The following SIL1 variants were observed in gnomAD, a reference collection of about 807,000 sequenced individuals.
SIL1 encodes SIL1 nucleotide exchange factor, also known as nucleotide exchange factor SIL1.
Under a neutral mutation model 49.1 loss-of-function variants are expected in SIL1, and 40 were observed. The observed-to-expected ratio is 0.81, with a 90% CI of 0.63 to 1.06. The LOEUF is 1.06. SIL1 is among the 50% of genes least tolerant of loss of function. The pLI is 0.00. For missense variants in SIL1, 500 were observed against 572.6 expected, an observed-to-expected ratio of 0.87 and a Z score of 1.29; for synonymous variants, 253 against 250.8, an observed-to-expected ratio of 1.01 and a Z score of -0.08.
intron 7 of SIL1, among the ~76,000 whole-genome samples, chr5:138,993,136 T>A (rs944795942): frequency 1.5e-4 from 23 of 152,290 alleles, no homozygotes; most frequent in African/African-American, 5.5e-4. Flanking sequence ...CAACAGATTA[T>A]AAGCAGAAGC....
chr5:139,049,174 T>C (rs544114355), intron 4 of SIL1, among the ~76,000 whole-genome samples: 23 of 152,190 alleles, frequency 1.5e-4, no homozygotes, highest in Non-Finnish European at 2.8e-4. Flanking sequence ...ATACTGGGTT[T>C]TTGTTTTAGT....
chr5:139,170,811 C>G (rs1002296739), intron 1 of SIL1, among the ~76,000 whole-genome samples: 23 of 150,590 alleles, frequency 1.5e-4, no homozygotes, highest in African/African-American at 2.7e-4. Flanking sequence ...CCGCCCCGTC[C>G]GGGAGGGAGG....
rs760991652 is a variant in SIL1, at chr5:139,021,198, G to A, written c.740C>T (p.Ala247Val). 4 of 1,614,104 alleles carry A rather than the reference G, an allele frequency of 2.5e-6. No homozygotes were observed. The highest frequency in any genetic ancestry group is 2.2e-5 in the East Asian group (1 of 44,876). Residue 247 changes from alanine (A) to valine (V), a missense_variant, in exon 7 of 10, where the codon GCG becomes GTG. Transcript: ENST00000394817. ...STEPLVKEYA[A>V]FVLGAAFSSN... ...GGAAAAGGCAGCGCCCAGCACAAACGCAGCATACTCCTTCACGAGGGGCTC... is the reference window on the plus strand; with the variant it reads ...GGAAAAGGCAGCGCCCAGCACAAACACAGCATACTCCTTCACGAGGGGCTC...
At chr5:139,138,109 T>C (rs1751011382) in intron 1 of SIL1, among the ~76,000 whole-genome samples, 1 of 149,930 alleles carries the variant, frequency 6.7e-6, no homozygotes, top group African/African-American at 2.5e-5. Flanking sequence ...CCTGCTCCCC[T>C]TCATGGAGCC....
intron 4 of SIL1, among the ~76,000 whole-genome samples, chr5:139,048,566 C>T (rs1769220487): frequency 6.6e-6 from 1 of 151,818 alleles, no homozygotes; most frequent in Middle Eastern, 3.2e-3. Context: ...TGCAGACACA[C>T]ACCCTGTCGC....
chr5:139,040,499 T>TTTTC (rs1769022068), intron 5 of SIL1, among the ~76,000 whole-genome samples: 2 of 29,240 alleles, frequency 6.8e-5, no homozygotes, highest in African/African-American at 1.7e-4. Context: ...TTCTTTTTTC[T>TTTTC]TTTTTTTTTT....
chr5:138,946,936 C>A lies in SIL1; in HGVS notation c.*181G>T. ...CCCATCACCCAACCACTCACCTGAC[C>A]CCCCGGCCACAGGGCTGTGCCCAGT... On this transcript the variant is annotated 3_prime_UTR_variant, in exon 10 of 10. Coordinates refer to ENST00000394817, the MANE Select transcript of SIL1 (RefSeq NM_022464.5). 1.6e-6 allele frequency: 1 copy of A among 640,992 alleles called. No individual in the cohort carries two copies. The highest frequency in any genetic ancestry group is 2.2e-5 in the Admixed American group (1 of 44,722). The allele number at this position is 640,992 out of a possible 1,614,324, so 39.7% of individuals were successfully genotyped here.
intron 7 of SIL1, among the ~76,000 whole-genome samples, chr5:138,999,028 TG>T (rs1239102453): frequency 6.6e-6 from 1 of 152,038 alleles, no homozygotes; most frequent in Admixed American, 6.6e-5. Context: ...AGCTAATTTT[TG>T]TATTTTTAGT....
intron 9 of SIL1, among the ~76,000 whole-genome samples, chr5:138,950,784 C>T (rs780704245): frequency 9.2e-5 from 14 of 152,222 alleles, no homozygotes; most frequent in African/African-American, 1.4e-4. Context: ...GGCACCTCCA[C>T]GTTTCTAGAA....
chr5:139,169,054 G>A (rs1013367043), intron 1 of SIL1, among the ~76,000 whole-genome samples: 1 of 152,146 alleles, frequency 6.6e-6, no homozygotes, highest in African/African-American at 2.4e-5. Context: ...GCTGGGATGG[G>A]AGGATTGCAT....
intron 3 of SIL1, among the ~76,000 whole-genome samples, chr5:139,081,282 T>A (rs1770070159): frequency 6.6e-6 from 1 of 152,196 alleles, no homozygotes; most frequent in South Asian, 2.1e-4. Context: ...TGAGACTGGG[T>A]CTCACTCTGT....
intron 7 of SIL1, among the ~76,000 whole-genome samples, chr5:138,965,095 T>C (rs953157582): frequency 6.6e-6 from 1 of 152,232 alleles, no homozygotes; most frequent in Non-Finnish European, 1.5e-5. Context: ...AGGCAGGGGC[T>C]TCCCTCTTGC....
At chr5:139,050,002 A>C (rs1769253268) in intron 4 of SIL1, among the ~76,000 whole-genome samples, 1 of 152,236 alleles carries the variant, frequency 6.6e-6, no homozygotes, top group South Asian at 2.1e-4. Context: ...GCAAGAAAGC[A>C]GCCATAGACA....
At chr5:139,117,574 T>C (rs1252200221) in intron 3 of SIL1, among the ~76,000 whole-genome samples, 1 of 152,038 alleles carries the variant, frequency 6.6e-6, no homozygotes, top group Non-Finnish European at 1.5e-5. Flanking sequence ...CAGGACAAAT[T>C]CCTGAGTTCC....
intron 1 of SIL1, among the ~76,000 whole-genome samples, chr5:139,143,963 CATAA>C (rs1207383421): frequency 2.6e-5 from 4 of 152,138 alleles, no homozygotes; most frequent in African/African-American, 4.8e-5. Flanking sequence ...CTGTACAACA[CATAA>C]ATAAATAAAA....
In SIL1 at chr5:138,947,256, G is replaced by C; in HGVS notation, c.1247C>G (p.Pro416Arg). Residue 416 changes from proline to arginine, a missense_variant, in exon 10 of 10, where the codon CCC becomes CGC. Pro to Arg is a moderately radical substitution (Grantham distance 103). Transcript: ENST00000394817. The surrounding 1 kb of genome is among the most constrained non-coding windows in gnomAD (Gnocchi z 4.1). ...GCTGGCCAGTGTCCTGCCGAGCTGG[G>C]GGTCCTGACGGTAGCGGTCCCGGCA... ...TTCRDRYRQDPQLGRTLASLQ... is the reference protein window; with the variant it reads ...TTCRDRYRQDRQLGRTLASLQ... The C allele has an allele frequency of 6.2e-7, 1 of 1,613,572 alleles. No homozygotes were observed. The highest frequency in any genetic ancestry group is 8.5e-7 in the Non-Finnish European group (1 of 1,180,014).
intron 4 of SIL1, among the ~76,000 whole-genome samples, chr5:139,044,463 T>C (rs1293151851): frequency 1.3e-5 from 2 of 152,252 alleles, no homozygotes; most frequent in African/African-American, 2.4e-5. Context: ...CCCAACTACA[T>C]ACACACAAGC....
intron 9 of SIL1, 72 bp downstream of exon 9, chr5:138,951,099 A>G (rs1313581497): frequency 2.0e-6 from 3 of 1,526,400 alleles, no homozygotes; most frequent in African/African-American, 2.8e-5. Context: ...AGTCTCTTCC[A>G]TCTGTCTGTC....
rs145327984 is a variant in SIL1 at position 139,054,975 on chromosome 5, G to A, written c.245-3929C>T. Among the ~76,000 whole-genome samples, 210 of 152,304 alleles carry A rather than the reference G, an allele frequency of 1.4e-3. 1 individual carries two copies. Among genetic ancestry groups the A allele is most frequent in the African/African-American group, 4.9e-3 (202 of 41,548 alleles). The stretch of plus-strand genomic sequence containing the variant: ...ATAATCTGACCTGTATCCTTCGAGA[G>A]CCCCTGTGACAGATGAAAATGTACC... On this transcript the variant is annotated intron_variant, in intron 3 of 9. Coordinates refer to ENST00000394817, the MANE Select transcript of SIL1 (RefSeq NM_022464.5).
Sources: allele counts gnomAD v4.1 joint callset (sites outside exome capture counted in the v4.1 genomes callset), GRCh38; gene constraint gnomAD v4.1.1; non-coding constraint Gnocchi (gnomAD v3.1); transcripts MANE v1.5; gene names NCBI Gene and HGNC (gene_info 2026-07-23, HGNC 2026-07-21).